The following GABRR2 variants were observed in gnomAD, a reference collection of about 807,000 sequenced individuals.
GABRR2 encodes the protein gamma-aminobutyric acid type A receptor subunit rho2.
Under a neutral mutation model 47.0 loss-of-function variants are expected in GABRR2, and 36 were observed. The observed-to-expected ratio is 0.77, with a 90% CI of 0.59 to 1.01. The LOEUF is 1.01. Among genes scored for constraint, GABRR2 ranks in the 50% least tolerant of loss-of-function variants. The probability of loss-of-function intolerance (pLI) is 0.00; values close to 1 mark genes in which losing one functional copy is unlikely to be tolerated. For synonymous variants in GABRR2, 204 were observed against 227.5 expected, an observed-to-expected ratio of 0.90 and a Z score of 0.93; for missense variants, 587 against 594.6, an observed-to-expected ratio of 0.99 and a Z score of 0.13.
Position 89,271,703 on chromosome 6 carries a change from GC to G in GABRR2, c.239del (p.Gly80AlafsTer21). ...PAFGGPAIPV[G>X]VDVQVESLDS... ...CCAGGCTCTCCACCTGTACGTCCAC[GC>G]CCACCGGGATGGCAGGGCCTGCAGA... On this transcript the variant is annotated frameshift_variant, in exon 3 of 9. Coordinates refer to ENST00000402938, the MANE Select transcript of GABRR2 (RefSeq NM_002043.5). LOFTEE classifies it high-confidence loss of function. 6.2e-7 allele frequency: 1 copy of G among 1,612,478 alleles called. No homozygotes were observed. The highest frequency in any genetic ancestry group is 1.1e-5 in the South Asian group (1 of 90,668).
At chr6:89,271,583 G>T (rs1774050885) in intron 3 of GABRR2, 72 bp downstream of exon 3, 1 of 1,362,634 alleles carries the variant, frequency 7.3e-7, no homozygotes, top group Admixed American at 1.9e-5. Flanking sequence ...TGCCCACACA[G>T]GCACAGCCTG....
rs1460970026 is a variant in GABRR2 at position 89,292,855 on chromosome 6, ATATAT to A, written c.220+6899_220+6903del. Among the ~76,000 whole-genome samples, 903 of 125,878 alleles carry A rather than the reference ATATAT, an allele frequency of 7.2e-3. 38 individuals are homozygous for A. Among genetic ancestry groups the A allele is most frequent in the African/African-American group, 0.023 (813 of 35,916 alleles). The allele number at this position is 125,878 out of a possible 152,430, so 82.6% of individuals were successfully genotyped here. A position where few individuals can be genotyped will look rare whatever the true frequency, so the allele number is the denominator to read the frequency against. On this transcript the variant is annotated intron_variant, in intron 2 of 8. Transcript: ENST00000402938. The stretch of plus-strand genomic sequence containing the variant: ...GTATATACGATATATCGTATATATC[ATATAT>A]TATATATCTATATATCATATATAGA...
intron 6 of GABRR2, among the ~76,000 whole-genome samples, chr6:89,267,090 C>T (rs560750807): frequency 6.0e-5 from 9 of 150,694 alleles, no homozygotes; most frequent in African/African-American, 2.2e-4. Context: ...ACCTTTGCCT[C>T]CTGGGTTCAA....
intron 2 of GABRR2, among the ~76,000 whole-genome samples, chr6:89,272,701 C>T (rs1359473587): frequency 2.6e-5 from 4 of 152,176 alleles, no homozygotes; most frequent in Non-Finnish European, 4.4e-5. Flanking sequence ...GAGCCCTGAC[C>T]AGGGAACACA....
chr6:89,299,812 T>C lies in GABRR2; in HGVS notation c.167A>G (p.Gln56Arg). 1 of 1,614,004 alleles carries C rather than the reference T, an allele frequency of 6.2e-7. No individual in the cohort carries two copies. Among genetic ancestry groups the C allele is most frequent in the Non-Finnish European group, 8.5e-7 (1 of 1,179,854 alleles). ...DVTKIRKGKP[Q>R]QLLRVDEHDF... is the part of the protein sequence containing the mutation. ...GTGCTCGTCCACTCTGAGAAGCTGCTGAGGCTTTCCCTTCCGGATCTTGGT... is the reference window on the plus strand; with the variant it reads ...GTGCTCGTCCACTCTGAGAAGCTGCCGAGGCTTTCCCTTCCGGATCTTGGT... Residue 56 changes from glutamine to arginine, a missense_variant, in exon 2 of 9, where the codon CAG (glutamine) becomes CGG (arginine). Transcript: ENST00000402938.
chr6:89,259,426 T>C (rs572800262), intron 8 of GABRR2, among the ~76,000 whole-genome samples: 3 of 152,154 alleles, frequency 2.0e-5, no homozygotes, highest in South Asian at 4.1e-4. Context: ...TTGGGGGCTA[T>C]TTTTTTTCAT....
chr6:89,301,912 C>T, intron 1 of GABRR2: 2 of 1,061,250 alleles, frequency 1.9e-6, no homozygotes, highest in Non-Finnish European at 1.5e-6. Flanking sequence ...GGACTTGGAG[C>T]TGGAGCAGAT....
chr6:89,291,298 T>C (rs1774436124), intron 2 of GABRR2, among the ~76,000 whole-genome samples: 1 of 152,082 alleles, frequency 6.6e-6, no homozygotes, highest in African/African-American at 2.4e-5. Flanking sequence ...TCAGCCCGTC[T>C]AGCCTCCTCC....
intron 8 of GABRR2, among the ~76,000 whole-genome samples, chr6:89,259,045 T>C (rs1050138365): frequency 6.6e-6 from 1 of 151,834 alleles, no homozygotes; most frequent in Non-Finnish European, 1.5e-5. Context: ...TATGAAAATG[T>C]GTATGACACT....
chr6:89,312,446 C>T lies in GABRR2; in HGVS notation c.113+2607G>A, dbSNP rs142897926. ...AGGCTTCCAGGTTCAAAGAAGTCTT[C>T]ACAGTGTGCATGTGTGAGGGTGACC... On this transcript the variant is annotated intron_variant, in intron 1 of 8. Coordinates refer to ENST00000402938, the MANE Select transcript of GABRR2 (RefSeq NM_002043.5). Among the ~76,000 whole-genome samples, 8 of 152,256 alleles carry T rather than the reference C, an allele frequency of 5.3e-5. No homozygotes were observed. In the East Asian group the frequency reaches 1.5e-3, roughly 29 times the overall value.
rs199682504 is a variant in GABRR2 at position 89,257,709 on chromosome 6, G to T, written c.1359C>A (p.Tyr453Ter). The change falls in exon 9 of 9, where the codon TAC (tyrosine) becomes TAA (stop). Residue 453 changes from tyrosine (Y) to a stop codon, truncating the protein, a stop_gained. Coordinates refer to ENST00000402938, the MANE Select transcript of GABRR2 (RefSeq NM_002043.5). LOFTEE classifies it high-confidence loss of function. ...ACCAATAAATTAAGTTGAAAAATAT[G>T]TAGGAGGCAGGGAATATCAACCTAG... is the stretch of plus-strand genomic sequence containing the variant. ...KYSRLIFPAS[Y>*]IFFNLIYWSV... The T allele has an allele frequency of 1.1e-4, 176 of 1,613,600 alleles. No individual in the cohort carries two copies. Among genetic ancestry groups the T allele is most frequent in the Non-Finnish European group, 1.3e-4 (152 of 1,179,762 alleles).
Position 89,265,692 on chromosome 6 carries a change from G to GAAAT in GABRR2, c.806_809dup (p.Phe270LeufsTer115). 1 of 1,614,174 alleles carries GAAAT rather than the reference G, an allele frequency of 6.2e-7. No individual in the cohort carries two copies. Among genetic ancestry groups the GAAAT allele is most frequent in the Non-Finnish European group, 8.5e-7 (1 of 1,180,028 alleles). ...ACAGCATGACCATCAGAGTGGCAGGGAAATATGTTTGGAGCAAGAAGAAGA... is the reference window on the plus strand; with the variant it reads ...ACAGCATGACCATCAGAGTGGCAGGGAAATAAATATGTTTGGAGCAAGAAGAAGA... On this transcript the variant is annotated frameshift_variant, in exon 7 of 9. Coordinates refer to ENST00000402938, the MANE Select transcript of GABRR2 (RefSeq NM_002043.5). LOFTEE classifies it high-confidence loss of function.
Position 89,293,426 on chromosome 6 carries a change from C to A in GABRR2, c.220+6333G>T, listed in dbSNP as rs547081710. On this transcript the variant is annotated intron_variant, in intron 2 of 8. Coordinates refer to ENST00000402938, the MANE Select transcript of GABRR2 (RefSeq NM_002043.5). ...ATATACTTAATGCCACTGAACTGTACACTCAAAAATGGTCAAAAGGGTCAA... is the reference window on the plus strand; with the variant it reads ...ATATACTTAATGCCACTGAACTGTAAACTCAAAAATGGTCAAAAGGGTCAA... Among the ~76,000 whole-genome samples the A allele has an allele frequency of 2.0e-5, 3 of 152,226 alleles. No homozygotes were observed. The South Asian group carries it at 6.2e-4, about 32-fold the overall frequency.
chr6:89,263,868 GT>G (rs1044228320), intron 8 of GABRR2, among the ~76,000 whole-genome samples: 2 of 151,476 alleles, frequency 1.3e-5, no homozygotes, highest in African/African-American at 4.9e-5. Context: ...CACATAAAAG[GT>G]TTTTTTTTAA....
chr6:89,294,166 G>A (rs1774516883), intron 2 of GABRR2, among the ~76,000 whole-genome samples: 1 of 147,820 alleles, frequency 6.8e-6, no homozygotes, highest in African/African-American at 2.5e-5. Flanking sequence ...TTGTTTTTGA[G>A]CCAGAGTCTC....
At chr6:89,311,581 C>T (rs1031033477) in intron 1 of GABRR2, among the ~76,000 whole-genome samples, 4 of 152,204 alleles carry the variant, frequency 2.6e-5, no homozygotes, top group East Asian at 1.9e-4. Context: ...ACCTCAAACC[C>T]GGCCTTTGGG....
chr6:89,260,032 C>A (rs539200224), intron 8 of GABRR2, among the ~76,000 whole-genome samples: 1 of 151,230 alleles, frequency 6.6e-6, no homozygotes, highest in Non-Finnish European at 1.5e-5. Flanking sequence ...CTCAACCTCC[C>A]GAGTAGCTGG....
In GABRR2 at chr6:89,264,428, C is replaced by T. The variant is rs372094973; in HGVS notation, c.1070G>A (p.Arg357Gln). 40 of 1,613,658 alleles carry T rather than the reference C, an allele frequency of 2.5e-5. No individual in the cohort carries two copies. Among genetic ancestry groups the T allele is most frequent in the South Asian group, 5.5e-5 (5 of 91,044 alleles). Residue 357 changes from arginine (R) to glutamine (Q), a missense_variant, in exon 8 of 9, where the codon CGG becomes CAG. Transcript: ENST00000402938. The part of the protein sequence containing the change: ...YLTTVQERKE[R>Q]KLREKFPCMC... ...CCCTCTCACCTTCTCCCGCAGCTTC[C>T]GTTCCTTGCGCTCCTGCACGGTGGT...
intron 8 of GABRR2, among the ~76,000 whole-genome samples, chr6:89,263,477 A>T (rs999770594): frequency 2.0e-5 from 3 of 152,194 alleles, no homozygotes; most frequent in African/African-American, 7.2e-5. Flanking sequence ...GATCGACTGT[A>T]GTATAATATA....
Sources: gnomAD v4.1 joint callset for allele counts (sites outside exome capture counted in the v4.1 genomes callset) on GRCh38, gnomAD v4.1.1 for gene constraint, MANE v1.5 for transcripts, NCBI Gene and HGNC (gene_info 2026-07-23, HGNC 2026-07-21) for gene names.